KLHDC4: variants seen among roughly 807,000 people sequenced by gnomAD.
KLHDC4 encodes the protein kelch domain containing 4.
A neutral mutation model predicts 62.4 loss-of-function variants in KLHDC4; 90 were observed. The observed-to-expected ratio is 1.44, with a 90% CI of 1.22 to 1.72. KLHDC4 has a LOEUF of 1.72. Ranked by LOEUF, KLHDC4 falls within the 40% of genes most tolerant of loss-of-function variation. The pLI, the probability that KLHDC4 is intolerant of heterozygous loss-of-function variation, is 0.00. For synonymous variants in KLHDC4, 386 were observed against 284.4 expected (o/e 1.36, Z -3.59); for missense variants, 1,025 against 699.7 (o/e 1.47, Z -5.25).
exon 1 of KLHDC4, chr16:87,700,640 C>T (rs117023084): frequency 0.086 from 13,203 of 153,916 alleles, 698 homozygotes; most frequent in Admixed American, 0.21. Context: ...AGGGAGAACG[C>T]TGGAGGGCAG....
At position 87,759,752 on chromosome 16, in the gene KLHDC4, TAAAG is replaced by T. The variant is rs374297407; in HGVS notation, c.191+2193_191+2196del. ...CTACACTCCGTCTCAGAAAAAAAAA[TAAAG>T]AGTGTTTCCCAAATTCCTCTGACCC... On this transcript the variant is annotated intron_variant, in intron 2 of 11. Transcript: ENST00000270583. 7.0e-4 allele frequency among the ~76,000 whole-genome samples: 106 copies of T among 152,034 alleles called. 1 individual carries two copies. The Middle Eastern group carries it at 0.027, about 39-fold the overall frequency.
chr16:87,722,383 A>C (rs1215245998), intron 7 of KLHDC4, among the ~76,000 whole-genome samples: 1 of 152,152 alleles, frequency 6.6e-6, no homozygotes, highest in African/African-American at 2.4e-5. Flanking sequence ...GGTGTCTGTG[A>C]GTTCCTCTTA....
chr16:87,717,567 A>T (rs2037249472), intron 7 of KLHDC4, among the ~76,000 whole-genome samples: 1 of 152,218 alleles, frequency 6.6e-6, no homozygotes, highest in Non-Finnish European at 1.5e-5. Flanking sequence ...TTCTGGAAAC[A>T]TCTGTGCAAT....
At chr16:87,761,760 C>T (rs1307281780) in intron 2 of KLHDC4, among the ~76,000 whole-genome samples, 189 bp downstream of exon 2, 2 of 152,202 alleles carry the variant, frequency 1.3e-5, no homozygotes, top group Non-Finnish European at 2.9e-5. Context: ...AGGCCCTGCT[C>T]CCAGGTTCCA....
At chr16:87,704,741 A>G (rs898608619), downstream of KLHDC4, among the ~76,000 whole-genome samples, 5 of 152,262 alleles carry the variant, frequency 3.3e-5, no homozygotes, top group East Asian at 1.9e-4. Context: ...TCAAACTGCA[A>G]TCAACACTGC....
intron 1 of KLHDC4, 178 bp from the exon 2 acceptor site, chr16:87,762,218 T>G (rs888025215): frequency 1.5e-6 from 2 of 1,349,576 alleles, no homozygotes; most frequent in Non-Finnish European, 2.0e-6. Context: ...TAACCAGAGC[T>G]TGACCTCAAA....
chr16:87,700,201 TTC>T (rs1233133794), exon 1 of KLHDC4: 1 of 153,772 alleles, frequency 6.5e-6, no homozygotes, highest in African/African-American at 2.4e-5. Flanking sequence ...CATGCTCACT[TTC>T]TCTGACTCTT....
chr16:87,760,964 C>T (rs2045796324), intron 2 of KLHDC4, among the ~76,000 whole-genome samples: 1 of 151,914 alleles, frequency 6.6e-6, no homozygotes, highest in African/African-American at 2.4e-5. Flanking sequence ...ACCTGGGAGG[C>T]AGAGGTTGTA....
chr16:87,705,494 G>GCAACA (rs1404627887), downstream of KLHDC4, among the ~76,000 whole-genome samples: 1 of 152,226 alleles, frequency 6.6e-6, no homozygotes, highest in Non-Finnish European at 1.5e-5. Context: ...CAAATCTTTA[G>GCAACA]CAACAAAAGC....
intron 5 of KLHDC4, chr16:87,741,018 GA>G (rs1459797525): frequency 6.6e-6 from 1 of 152,184 alleles, no homozygotes. Flanking sequence ...TCCCGCACGT[GA>G]GTTTTGGTCT....
intron 4 of KLHDC4, among the ~76,000 whole-genome samples, chr16:87,753,056 C>T (rs2044276134): frequency 1.3e-5 from 2 of 152,190 alleles, no homozygotes; most frequent in Admixed American, 6.5e-5. Flanking sequence ...GGACAAGGGG[C>T]ACAGGCAGGG....
chr16:87,700,956 C>G (rs878978106), exon 1 of KLHDC4: 1 of 232,044 alleles, frequency 4.3e-6, no homozygotes, highest in South Asian at 4.2e-5. Flanking sequence ...GCCCAGGCCG[C>G]GTGTCAGGTG....
At chr16:87,704,029 G>A (rs2034351836), downstream of KLHDC4, among the ~76,000 whole-genome samples, 1 of 152,236 alleles carries the variant, frequency 6.6e-6, no homozygotes, top group African/African-American at 2.4e-5. Flanking sequence ...AGGCAGGCAG[G>A]CTGAGGCCGT....
At chr16:87,715,308 G>A (rs1597420467) in intron 7 of KLHDC4, among the ~76,000 whole-genome samples, 1 of 152,126 alleles carries the variant, frequency 6.6e-6, no homozygotes, top group African/African-American at 2.4e-5. Flanking sequence ...GCAGAAAATT[G>A]AGACGATAGT....
At chr16:87,762,811 C>T (rs1455446384) in intron 1 of KLHDC4, among the ~76,000 whole-genome samples, 1 of 152,162 alleles carries the variant, frequency 6.6e-6, no homozygotes, top group African/African-American at 2.4e-5. Flanking sequence ...CACTCCCATG[C>T]ACACCCGAGC....
intron 7 of KLHDC4, among the ~76,000 whole-genome samples, chr16:87,720,407 C>T (rs971646313): frequency 1.3e-5 from 2 of 152,142 alleles, no homozygotes; most frequent in African/African-American, 2.4e-5. Flanking sequence ...TCCAGGCGCC[C>T]GAAGACGACT....
downstream of KLHDC4, among the ~76,000 whole-genome samples, chr16:87,706,448 C>T (rs535772250): frequency 3.8e-4 from 56 of 148,538 alleles, no homozygotes; most frequent in South Asian, 1.9e-3. Flanking sequence ...CGGAGGGGGC[C>T]GGCACAACGC....
chr16:87,730,025 C>T (rs1013296067), intron 6 of KLHDC4, among the ~76,000 whole-genome samples: 6 of 152,254 alleles, frequency 3.9e-5, no homozygotes, highest in African/African-American at 1.4e-4. Flanking sequence ...ATGATCTCAA[C>T]TCACTGCAAC....
intron 4 of KLHDC4, among the ~76,000 whole-genome samples, chr16:87,752,961 A>G (rs1206603470): frequency 6.6e-6 from 1 of 152,192 alleles, no homozygotes; most frequent in Non-Finnish European, 1.5e-5. Context: ...GAAGTGCAGG[A>G]CTGTGAACCT....
Sources: gnomAD v4.1 joint callset for allele counts (sites outside exome capture counted in the v4.1 genomes callset) on GRCh38, gnomAD v4.1.1 for gene constraint, MANE v1.5 for transcripts, NCBI Gene and HGNC (gene_info 2026-07-23, HGNC 2026-07-21) for gene names.